SMIM35: variants seen among roughly 807,000 people sequenced by gnomAD.
The protein encoded by SMIM35 is TMPRSS4 antisense RNA 1 (non-protein coding).
chr11:118,029,490 CAA>C (rs35174821), intron 1 of SMIM35, among the ~76,000 whole-genome samples: 1 of 152,160 alleles, frequency 6.6e-6, no homozygotes, highest in African/African-American at 2.4e-5. Flanking sequence ...GAGGACTCTG[CAA>C]AAGTTTCTTC....
At chr11:118,013,152 C>A (rs117906991) in intron 4 of SMIM35, among the ~76,000 whole-genome samples, 7 of 152,160 alleles carry the variant, frequency 4.6e-5, no homozygotes, top group Non-Finnish European at 5.9e-5. Context: ...CCAGAGGAGA[C>A]CCCCTCATTC....
intron 1 of SMIM35, among the ~76,000 whole-genome samples, chr11:118,050,834 A>T (rs960730444): frequency 1.3e-5 from 2 of 152,164 alleles, no homozygotes; most frequent in African/African-American, 4.8e-5. Flanking sequence ...TGCCACAGGG[A>T]TGCATCTTGA....
chr11:118,055,724 C>A (rs1463611143), intron 1 of SMIM35, among the ~76,000 whole-genome samples: 1 of 152,198 alleles, frequency 6.6e-6, no homozygotes, highest in African/African-American at 2.4e-5. Flanking sequence ...CTAGGAAGTC[C>A]TCCTTGGTTA....
intron 1 of SMIM35, among the ~76,000 whole-genome samples, chr11:118,056,890 CA>C (rs1401017153): frequency 2.0e-5 from 3 of 151,952 alleles, no homozygotes; most frequent in African/African-American, 7.3e-5. Flanking sequence ...ATGAAGGGAG[CA>C]GAGGCCAGAC....
chr11:118,020,220 C>T (rs1233822602), intron 1 of SMIM35, among the ~76,000 whole-genome samples: 6 of 152,164 alleles, frequency 3.9e-5, no homozygotes, highest in South Asian at 2.1e-4. Flanking sequence ...GAGCCAAGAT[C>T]GCACTAGTGC....
chr11:118,024,622 G>A (rs575693856), intron 1 of SMIM35, among the ~76,000 whole-genome samples: 33 of 152,120 alleles, frequency 2.2e-4, no homozygotes, highest in Non-Finnish European at 3.1e-4. Context: ...ACAGCTGCCC[G>A]CCACCATGCC....
At chr11:118,078,342 A>G (rs1944857089) in intron 1 of SMIM35, among the ~76,000 whole-genome samples, 1 of 152,206 alleles carries the variant, frequency 6.6e-6, no homozygotes, top group Non-Finnish European at 1.5e-5. Context: ...AGGGAAGGGA[A>G]GAGAGGAAAG....
At chr11:118,055,830 G>A (rs888352646) in intron 1 of SMIM35, among the ~76,000 whole-genome samples, 7 of 152,158 alleles carry the variant, frequency 4.6e-5, no homozygotes, top group Non-Finnish European at 1.0e-4. Flanking sequence ...AGAAAGAGGA[G>A]CTGAGATAGC....
intron 1 of SMIM35, among the ~76,000 whole-genome samples, chr11:118,081,126 T>G (rs1310896127): frequency 6.6e-6 from 1 of 152,228 alleles, no homozygotes; most frequent in Non-Finnish European, 1.5e-5. Context: ...AGTGGATTGA[T>G]GGATGACAGG....
At chr11:118,048,553 G>A (rs11216731) in intron 1 of SMIM35, among the ~76,000 whole-genome samples, 8 of 31,482 alleles carry the variant, frequency 2.5e-4, no homozygotes, top group African/African-American at 7.7e-4. Flanking sequence ...AAGGAAGGAA[G>A]GAAGGAAGGA....
intron 1 of SMIM35, among the ~76,000 whole-genome samples, chr11:118,078,851 ACC>A (rs1245238185): frequency 6.6e-6 from 1 of 152,074 alleles, no homozygotes; most frequent in Non-Finnish European, 1.5e-5. Context: ...AAACGATATG[ACC>A]CACAACAGCC....
chr11:118,019,965 G>T (rs1305950620), intron 1 of SMIM35, among the ~76,000 whole-genome samples: 1 of 152,074 alleles, frequency 6.6e-6, no homozygotes, highest in Non-Finnish European at 1.5e-5. Context: ...AATTACTATG[G>T]TCTCATAATA....
chr11:118,040,813 A>G (rs1943987622), intron 1 of SMIM35, among the ~76,000 whole-genome samples: 1 of 152,194 alleles, frequency 6.6e-6, no homozygotes, highest in Non-Finnish European at 1.5e-5. Context: ...TGTTAATAAT[A>G]GCACTAAGGG....
In SMIM35 at chr11:118,080,678, C is replaced by A. The variant is rs149103755; in HGVS notation, c.7+6073G>T. On this transcript the variant is annotated intron_variant, in intron 1 of 4. Transcript: ENST00000689828. ...CTGAATGTAAGAAATGAGGAGAGAC[C>A]AGCTCAAGGGGGTCATGGGTAGAGG... 3.9e-4 allele frequency among the ~76,000 whole-genome samples: 60 copies of A among 152,236 alleles called. No individual in the cohort carries two copies. In the East Asian group the frequency reaches 0.01, roughly 25 times the overall value.
chr11:118,065,437 T>G (rs1279134880), intron 1 of SMIM35, among the ~76,000 whole-genome samples: 1 of 152,218 alleles, frequency 6.6e-6, no homozygotes, highest in Non-Finnish European at 1.5e-5. Flanking sequence ...TCATACTGAC[T>G]TCCTAGAACT....
chr11:118,024,024 A>G (rs184166873), intron 1 of SMIM35, among the ~76,000 whole-genome samples: 188 of 152,144 alleles, frequency 1.2e-3, no homozygotes, highest in Middle Eastern at 6.8e-3. Flanking sequence ...CCAAAAAAAA[A>G]AAAGAAAGAA....
intron 1 of SMIM35, among the ~76,000 whole-genome samples, chr11:118,020,848 A>G (rs895836582): frequency 6.6e-6 from 1 of 152,182 alleles, no homozygotes; most frequent in Non-Finnish European, 1.5e-5. Flanking sequence ...TAGAACTTCC[A>G]GTATAATGTA....
intron 1 of SMIM35, among the ~76,000 whole-genome samples, chr11:118,026,676 C>A (rs920467258): frequency 1.3e-5 from 2 of 152,166 alleles, no homozygotes; most frequent in African/African-American, 4.8e-5. Flanking sequence ...CATTAAGATG[C>A]AGGTCTTAGG....
chr11:118,048,513 A>G (rs964641602), intron 1 of SMIM35, among the ~76,000 whole-genome samples: 4 of 150,370 alleles, frequency 2.7e-5, no homozygotes, highest in African/African-American at 9.9e-5. Flanking sequence ...ACTCCATCTC[A>G]ATAAGAAAGA....
Sources: allele counts gnomAD v4.1 joint callset (sites outside exome capture counted in the v4.1 genomes callset), GRCh38; gene constraint gnomAD v4.1.1; transcripts MANE v1.5; gene names NCBI Gene and HGNC (gene_info 2026-07-23, HGNC 2026-07-21).